The following ANK3 variants were observed in gnomAD, a reference collection of about 807,000 sequenced individuals.
ANK3 encodes ankyrin 3.
Under a neutral mutation model 370.9 loss-of-function variants are expected in ANK3, and 57 were observed. The ratio of observed to expected loss-of-function variants is 0.15; its 90% confidence interval spans 0.12 to 0.19. The LOEUF (loss-of-function observed/expected upper bound fraction) is 0.19. Ranked by LOEUF, ANK3 falls within the 10% of genes least tolerant of loss-of-function variation. The pLI, the probability that ANK3 is intolerant of heterozygous loss-of-function variation, is 1.00. For synonymous variants in ANK3, 1,929 were observed against 1,946.3 expected (o/e 0.99, Z 0.23); for missense variants, 4,439 against 5,302.1 (o/e 0.84, Z 5.06).
At chr10:60,120,718 A>G (rs2093416389) in intron 25 of ANK3, among the ~76,000 whole-genome samples, 5 of 152,250 alleles carry the variant, frequency 3.3e-5, no homozygotes, top group Admixed American at 3.3e-4. Context: ...TATGTGAAAA[A>G]GTCCTCAACA....
At chr10:60,285,852 T>G (rs989046393) in intron 1 of ANK3, among the ~76,000 whole-genome samples, 4 of 152,162 alleles carry the variant, frequency 2.6e-5, no homozygotes, top group Admixed American at 1.3e-4. Flanking sequence ...TTCCTTGTTT[T>G]TATTTAAATA....
intron 1 of ANK3, among the ~76,000 whole-genome samples, chr10:60,288,441 A>C (rs2040534322): frequency 6.6e-6 from 1 of 152,206 alleles, no homozygotes; most frequent in Non-Finnish European, 1.5e-5. Flanking sequence ...ACAGAAGTTC[A>C]TAAAGTCAGA....
At chr10:60,690,590 G>A (rs902138218) in intron 1 of ANK3, among the ~76,000 whole-genome samples, 7 of 151,928 alleles carry the variant, frequency 4.6e-5, no homozygotes, top group African/African-American at 1.7e-4. Flanking sequence ...AAAAATAAAT[G>A]AGGATTTTGT....
intron 7 of ANK3, among the ~76,000 whole-genome samples, chr10:60,241,966 G>A (rs2097467281): frequency 6.6e-6 from 1 of 152,062 alleles, no homozygotes; most frequent in African/African-American, 2.4e-5. Flanking sequence ...CAAATTTCTA[G>A]GCCAATAAAT....
intron 1 of ANK3, among the ~76,000 whole-genome samples, chr10:60,643,498 T>C (rs1015113073): frequency 8.4e-5 from 9 of 106,568 alleles, no homozygotes; most frequent in African/African-American, 3.1e-4. Context: ...AAACTCCCCT[T>C]TATATCTATC....
At chr10:60,590,608 A>T (rs2393673) in intron 2 of ANK3, among the ~76,000 whole-genome samples, 71,640 of 152,014 alleles carry the variant, frequency 0.47, 17,278 homozygotes, top group Middle Eastern at 0.52. Context: ...CAGTAACATC[A>T]TAAGTATAGT....
intron 7 of ANK3, among the ~76,000 whole-genome samples, chr10:60,235,664 T>G (rs566844980): frequency 3.4e-4 from 51 of 150,906 alleles, no homozygotes; most frequent in African/African-American, 1.2e-3. Context: ...GCCTCCCAAG[T>G]AGCTGGAACT....
chr10:60,470,139 G>C (rs544418575), intron 2 of ANK3, among the ~76,000 whole-genome samples: 4 of 151,996 alleles, frequency 2.6e-5, no homozygotes, highest in African/African-American at 9.7e-5. Context: ...CCAGCTAGTC[G>C]AATCAGAAAA....
At position 60,182,079 on chromosome 10, in the gene ANK3, CT is replaced by C. The variant is rs200772662; in HGVS notation, c.2086-653del. Among the ~76,000 whole-genome samples, 909 of 143,672 alleles carry C rather than the reference CT, an allele frequency of 6.3e-3. 2 individuals are homozygous for C. The highest frequency in any genetic ancestry group is 0.013 in the African/African-American group (496 of 39,496). The allele number at this position is 143,672 out of a possible 152,430, so 94.3% of individuals were successfully genotyped here. A position where few individuals can be genotyped will look rare whatever the true frequency, so the allele number is the denominator to read the frequency against. The stretch of plus-strand genomic sequence containing the variant: ...TCAGTGTTCATCTACAAAAATTAGA[CT>C]TTTTTTTTTTTTTACAAAATTATGC... On this transcript the variant is annotated intron_variant, in intron 17 of 43. Transcript: ENST00000280772.
At chr10:60,589,284 T>C (rs2133290332) in intron 2 of ANK3, among the ~76,000 whole-genome samples, 1 of 152,336 alleles carries the variant, frequency 6.6e-6, no homozygotes, top group African/African-American at 2.4e-5. Context: ...TGGAGGTTAA[T>C]TATCTTATTC....
intron 2 of ANK3, among the ~76,000 whole-genome samples, chr10:60,590,926 G>C (rs565505511): frequency 6.6e-6 from 1 of 151,980 alleles, no homozygotes; most frequent in Admixed American, 6.6e-5. Flanking sequence ...TGTTGAATAC[G>C]TGAATGCAGA....
intron 2 of ANK3, among the ~76,000 whole-genome samples, chr10:60,399,754 A>G (rs925585796): frequency 2.0e-5 from 3 of 152,204 alleles, no homozygotes; most frequent in Non-Finnish European, 4.4e-5. Flanking sequence ...CCTTCCCGCA[A>G]CAAACCAAAT....
At chr10:60,605,944 A>C (rs2078123302) in intron 2 of ANK3, among the ~76,000 whole-genome samples, 1 of 152,212 alleles carries the variant, frequency 6.6e-6, no homozygotes, top group Non-Finnish European at 1.5e-5. Flanking sequence ...ATGTTGTAGG[A>C]GTGCCATATT....
At chr10:60,327,621 G>A (rs1172783717) in intron 1 of ANK3, among the ~76,000 whole-genome samples, 1 of 152,206 alleles carries the variant, frequency 6.6e-6, no homozygotes, top group Non-Finnish European at 1.5e-5. Context: ...GTAAAAGAGA[G>A]GCTCAAAGGC....
chr10:60,203,765 G>T (rs560131850), intron 11 of ANK3, among the ~76,000 whole-genome samples: 1 of 152,250 alleles, frequency 6.6e-6, no homozygotes, highest in Non-Finnish European at 1.5e-5. Context: ...ATAGACCCCA[G>T]AATACTCTTC....
intron 2 of ANK3, among the ~76,000 whole-genome samples, chr10:60,559,982 G>T (rs957635519): frequency 1.3e-5 from 2 of 152,088 alleles, no homozygotes; most frequent in Non-Finnish European, 2.9e-5. Context: ...GGCAGAGGTT[G>T]CAGTGACCCA....
At chr10:60,641,307 G>A (rs12781206) in intron 1 of ANK3, among the ~76,000 whole-genome samples, 2 of 151,328 alleles carry the variant, frequency 1.3e-5, no homozygotes, top group East Asian at 2.0e-4. Flanking sequence ...AACCAAAAAA[G>A]AGCCCGCATC....
chr10:60,720,282 G>A (rs1458162264), intron 1 of ANK3, among the ~76,000 whole-genome samples: 1 of 152,134 alleles, frequency 6.6e-6, no homozygotes, highest in African/African-American at 2.4e-5. Flanking sequence ...TTCCATGAAG[G>A]ATCACATTTA....
chr10:60,053,529 T>A (rs906539752), intron 42 of ANK3: 1 of 577,036 alleles, frequency 1.7e-6, no homozygotes, highest in African/African-American at 2.0e-5. Context: ...AAAGTGAAAA[T>A]GGAGGAAGAA....
Sources: gnomAD v4.1 joint callset for allele counts (sites outside exome capture counted in the v4.1 genomes callset) on GRCh38, gnomAD v4.1.1 for gene constraint, MANE v1.5 for transcripts, NCBI Gene and HGNC (gene_info 2026-07-23, HGNC 2026-07-21) for gene names.